The following TNFAIP8 variants were observed in gnomAD, a reference collection of about 807,000 sequenced individuals.
TNFAIP8 encodes the protein TNF alpha induced protein 8.
TNFAIP8 carries 7 observed loss-of-function variants against 13.3 expected under a neutral mutation model. The ratio of observed to expected loss-of-function variants is 0.52; its 90% confidence interval spans 0.30 to 0.99. The LOEUF (loss-of-function observed/expected upper bound fraction) is 0.99. TNFAIP8 is among the 50% of genes least tolerant of loss of function. TNFAIP8 has a pLI of 0.07. For missense variants in TNFAIP8, 258 were observed against 236.9 expected, an observed-to-expected ratio of 1.09 and a Z score of -0.58; for synonymous variants, 94 against 87.6, an observed-to-expected ratio of 1.07 and a Z score of -0.41.
At chr5:119,367,128 T>C (rs1395565849) in intron 1 of TNFAIP8, among the ~76,000 whole-genome samples, 2 of 152,210 alleles carry the variant, frequency 1.3e-5, no homozygotes, top group Non-Finnish European at 2.9e-5. Flanking sequence ...TTTTCCTCTT[T>C]CCCAAAGATG....
chr5:119,313,103 G>A (rs1179829818), intron 1 of TNFAIP8, among the ~76,000 whole-genome samples: 1 of 152,206 alleles, frequency 6.6e-6, no homozygotes, highest in Non-Finnish European at 1.5e-5. Flanking sequence ...GATATTATAT[G>A]CAGTGAAAAT....
At chr5:119,286,404 G>A (rs1318974569) in intron 1 of TNFAIP8, among the ~76,000 whole-genome samples, 4 of 152,102 alleles carry the variant, frequency 2.6e-5, no homozygotes, top group Non-Finnish European at 4.4e-5. Context: ...GGTGGATCAC[G>A]AGGTCAGGAG....
At chr5:119,372,892 C>T (rs1225581325) in intron 1 of TNFAIP8, among the ~76,000 whole-genome samples, 1 of 152,052 alleles carries the variant, frequency 6.6e-6, no homozygotes, top group Non-Finnish European at 1.5e-5. Flanking sequence ...ACCTGGGAGG[C>T]AGAGGTTTCA....
upstream of TNFAIP8, chr5:119,355,042 C>G (rs77878811): frequency 5.1e-5 from 20 of 395,722 alleles, no homozygotes; most frequent in East Asian, 1.0e-3. Flanking sequence ...CTCTTGTCCC[C>G]GCTTTGCAGA....
chr5:119,360,517 C>T (rs1751591166), intron 1 of TNFAIP8, among the ~76,000 whole-genome samples: 1 of 152,128 alleles, frequency 6.6e-6, no homozygotes, highest in Non-Finnish European at 1.5e-5. Context: ...ATTTAAAGTG[C>T]CCTTCTCCCA....
chr5:119,325,621 T>C (rs924578878), intron 1 of TNFAIP8, among the ~76,000 whole-genome samples: 7 of 152,122 alleles, frequency 4.6e-5, no homozygotes, highest in Admixed American at 1.3e-4. Context: ...CTAATTTTTT[T>C]TGTATTTTAG....
At chr5:119,391,265 A>G (rs940030521) in intron 1 of TNFAIP8, 1 of 631,186 alleles carries the variant, frequency 1.6e-6, no homozygotes, top group South Asian at 1.7e-5. Flanking sequence ...CAAACTAGAA[A>G]TAATCTTATA....
In TNFAIP8 at chr5:119,321,665, G is replaced by A. The variant is rs114311119; in HGVS notation, c.1+52758G>A. ...TCTTTCCACTTGCCCTAGCAAATAC[G>A]CACATCCTAAATCTCACTGCTTCTC... On this transcript the variant is annotated intron_variant, in intron 1 of 1. Coordinates refer to the TNFAIP8 transcript ENST00000274456. Among the ~76,000 whole-genome samples the A allele has an allele frequency of 4.5e-3, 686 of 152,130 alleles. 6 individuals carry two copies. Among genetic ancestry groups the A allele is most frequent in the African/African-American group, 0.016 (671 of 41,508 alleles).
intron 1 of TNFAIP8, among the ~76,000 whole-genome samples, chr5:119,367,572 C>G (rs1219987176): frequency 6.6e-6 from 1 of 152,156 alleles, no homozygotes; most frequent in Non-Finnish European, 1.5e-5. Flanking sequence ...TCTTTTAAAG[C>G]TTCAGTTAGC....
At chr5:119,302,417 T>C (rs1354712370) in intron 1 of TNFAIP8, among the ~76,000 whole-genome samples, 2 of 152,198 alleles carry the variant, frequency 1.3e-5, no homozygotes, top group East Asian at 3.8e-4. Context: ...TAGAATCCCA[T>C]TTTCTCCTCT....
intron 1 of TNFAIP8, among the ~76,000 whole-genome samples, chr5:119,366,429 CT>C (rs1684764903): frequency 6.6e-6 from 1 of 152,212 alleles, no homozygotes; most frequent in Non-Finnish European, 1.5e-5. Context: ...AATGCTGCCC[CT>C]CTTCCAACTG....
chr5:119,365,910 G>A (rs550544871), intron 1 of TNFAIP8, among the ~76,000 whole-genome samples: 31 of 152,148 alleles, frequency 2.0e-4, no homozygotes, highest in Admixed American at 2.0e-3. Context: ...CCACTGTAAG[G>A]GAAAGGAAAT....
At chr5:119,356,145 G>A (rs776811627) in intron 1 of TNFAIP8, 24 bp downstream of exon 1, 2 of 1,561,664 alleles carry the variant, frequency 1.3e-6, no homozygotes, top group East Asian at 2.4e-5. Flanking sequence ...TTCTCCTGGG[G>A]GCCGGCCAAG....
upstream of TNFAIP8, among the ~76,000 whole-genome samples, chr5:119,353,123 A>G (rs559487851): frequency 6.6e-6 from 1 of 152,324 alleles, no homozygotes. Flanking sequence ...GGCGGGCGGT[A>G]ATAGTTTGTT....
At position 119,394,997 on chromosome 5, in the gene TNFAIP8, A is replaced by G. The variant is rs1376004299; in HGVS notation, c.*1616A>G. ...ACCAGGAAAGGTTCCACAACTAAAA[A>G]TTCCAGAAGTTGAGATCTGCTCTAA... is the stretch of plus-strand genomic sequence containing the variant. On this transcript the variant is annotated 3_prime_UTR_variant, in exon 2 of 2. Coordinates refer to ENST00000504771, the MANE Select transcript of TNFAIP8 (RefSeq NM_014350.4). The G allele has an allele frequency of 1.3e-5, 2 of 152,230 alleles. No individual in the cohort carries two copies. The highest frequency in any genetic ancestry group is 6.5e-5 in the Admixed American group (1 of 15,278). 9.4% of individuals were successfully genotyped at this position (152,230 alleles called of 1,614,324 possible).
At chr5:119,333,551 T>C (rs1438801885) in intron 1 of TNFAIP8, 10 of 1,534,566 alleles carry the variant, frequency 6.5e-6, no homozygotes, top group Non-Finnish European at 8.7e-6. Context: ...GTTGCATGCA[T>C]TCCTCAAGTC....
At chr5:119,352,995 C>T (rs1231002103), upstream of TNFAIP8, among the ~76,000 whole-genome samples, 1 of 152,184 alleles carries the variant, frequency 6.6e-6, no homozygotes, top group Non-Finnish European at 1.5e-5. Context: ...TCCATCTTGA[C>T]ACAAAAGGTG....
Position 119,393,372 on chromosome 5 carries a change from G to C in TNFAIP8, c.588G>C (p.Glu196Asp). ...CDGINKMLDE[E>D]NI ...GTATCAACAAAATGTTGGATGAAGAGAACATATGAGCACATGAGTTAAGAT... is the reference window on the plus strand; with the variant it reads ...GTATCAACAAAATGTTGGATGAAGACAACATATGAGCACATGAGTTAAGAT... Residue 196 changes from glutamate (E) to aspartate (D), a missense_variant, in exon 2 of 2, where the codon GAG becomes GAC. By Grantham distance (45) the Glu-to-Asp change is conservative. Transcript: ENST00000504771. The C allele has an allele frequency of 6.2e-7, 1 of 1,612,210 alleles. No individual in the cohort carries two copies. Among genetic ancestry groups the C allele is most frequent in the East Asian group, 2.2e-5 (1 of 44,872 alleles).
intron 1 of TNFAIP8, among the ~76,000 whole-genome samples, chr5:119,346,946 A>G (rs1275952870): frequency 6.6e-6 from 1 of 152,260 alleles, no homozygotes; most frequent in Non-Finnish European, 1.5e-5. Flanking sequence ...AGTAATGTGT[A>G]AAGTGAAAAT....
Sources: gnomAD v4.1 joint callset for allele counts (sites outside exome capture counted in the v4.1 genomes callset) on GRCh38, gnomAD v4.1.1 for gene constraint, MANE v1.5 for transcripts, NCBI Gene and HGNC (gene_info 2026-07-23, HGNC 2026-07-21) for gene names.